Variants in CSMD3 observed in about 807,000 individuals in gnomAD.
CSMD3 encodes CUB and Sushi multiple domains 3, also known as CUB and sushi domain-containing protein 3.
In CSMD3, 177 loss-of-function variants were observed where a neutral mutation model predicts 435.2. The ratio of observed to expected loss-of-function variants is 0.41; its 90% CI spans 0.36 to 0.46. The LOEUF is 0.46. Ranked by LOEUF, CSMD3 falls within the 20% of genes least tolerant of loss-of-function variation. The pLI, the probability that CSMD3 is intolerant of heterozygous loss-of-function variation, is 0.34. For synonymous variants in CSMD3, 1,656 were observed against 1,520.5 expected, an observed-to-expected ratio of 1.09 and a Z score of -2.07; for missense variants, 4,265 against 4,504.6, an observed-to-expected ratio of 0.95 and a Z score of 1.52.
At chr8:112,346,750 C>T (rs535787575) in intron 40 of CSMD3, among the ~76,000 whole-genome samples, 18 of 135,384 alleles carry the variant, frequency 1.3e-4, no homozygotes, top group African/African-American at 4.9e-4. Context: ...GCAATCTCGG[C>T]TCACTGCAAG....
intron 18 of CSMD3, among the ~76,000 whole-genome samples, chr8:112,651,927 A>G (rs1586893878): frequency 6.6e-6 from 1 of 152,242 alleles, no homozygotes; most frequent in African/African-American, 2.4e-5. Flanking sequence ...ATTGAAAAGC[A>G]TCATGTCATG....
Position 112,255,433 on chromosome 8 carries a change from A to G in CSMD3, c.9863-6T>C. 6.2e-7 allele frequency: 1 copy of G among 1,613,558 alleles called. No individual in the cohort carries two copies. On this transcript the variant is annotated splice_region_variant and splice_polypyrimidine_tract_variant and intron_variant, in intron 61 of 70. Coordinates refer to ENST00000297405, the MANE Select transcript of CSMD3 (RefSeq NM_198123.2). ...AGGGTCACCACAAAACTTTGCTGGAAATGAAAAGAAAGACGCTTATATCAA... is the reference window on the plus strand; with the variant it reads ...AGGGTCACCACAAAACTTTGCTGGAGATGAAAAGAAAGACGCTTATATCAA...
At chr8:112,679,701 G>A (rs2075845172) in intron 16 of CSMD3, among the ~76,000 whole-genome samples, 1 of 152,086 alleles carries the variant, frequency 6.6e-6, no homozygotes, top group African/African-American at 2.4e-5. Flanking sequence ...CCTCCACCAT[G>A]AAGCTAGGCA....
chr8:112,560,712 C>T (rs1306102813), intron 24 of CSMD3, among the ~76,000 whole-genome samples: 2 of 151,594 alleles, frequency 1.3e-5, no homozygotes, highest in African/African-American at 4.8e-5. Context: ...GTCTCTCAAA[C>T]ACAGAAGAAA....
intron 31 of CSMD3, among the ~76,000 whole-genome samples, chr8:112,482,649 T>TA (rs1819742805): frequency 6.6e-6 from 1 of 152,214 alleles, no homozygotes; most frequent in Admixed American, 6.5e-5. Flanking sequence ...AATAGCTTTT[T>TA]ATCACATAGT....
chr8:112,773,782 A>C (rs916762363), intron 13 of CSMD3, among the ~76,000 whole-genome samples: 4 of 152,064 alleles, frequency 2.6e-5, no homozygotes, highest in South Asian at 2.1e-4. Context: ...TTTTAGAATG[A>C]AGATGAAATA....
In CSMD3 at chr8:112,893,107, C is replaced by A. The variant is rs1046183745; in HGVS notation, c.1633+28520G>T. ...TACTACTACTACTACAAAACTACTA[C>A]TACTACTACAACTACTACTACTACT... On this transcript the variant is annotated intron_variant, in intron 10 of 70. Transcript: ENST00000297405. 4.0e-5 allele frequency among the ~76,000 whole-genome samples: 6 copies of A among 151,276 alleles called. No individual in the cohort carries two copies. In the East Asian group the frequency reaches 1.2e-3, roughly 30 times the overall value.
intron 1 of CSMD3, among the ~76,000 whole-genome samples, chr8:113,380,560 C>T (rs1173235729): frequency 6.6e-6 from 1 of 152,124 alleles, no homozygotes; most frequent in Admixed American, 6.6e-5. Flanking sequence ...AAATAAATAA[C>T]TATTGCCACT....
intron 13 of CSMD3, among the ~76,000 whole-genome samples, chr8:112,698,672 A>G (rs1056100108): frequency 2.6e-5 from 4 of 152,286 alleles, no homozygotes; most frequent in Middle Eastern, 6.8e-3. Context: ...TTAACCATCA[A>G]ACAAAGATAA....
intron 11 of CSMD3, among the ~76,000 whole-genome samples, chr8:112,858,154 C>T (rs547913588): frequency 1.1e-4 from 17 of 151,570 alleles, no homozygotes; most frequent in African/African-American, 3.4e-4. Context: ...CAAAAATTCC[C>T]GGGAGGCAAT....
intron 38 of CSMD3, among the ~76,000 whole-genome samples, chr8:112,354,037 T>G (rs1204470232): frequency 5.9e-5 from 9 of 152,198 alleles, no homozygotes; most frequent in African/African-American, 2.2e-4. Flanking sequence ...CAAGGTTGTT[T>G]CAACATATGC....
intron 45 of CSMD3, among the ~76,000 whole-genome samples, chr8:112,320,772 G>A (rs898317573): frequency 5.9e-5 from 9 of 151,940 alleles, no homozygotes; most frequent in African/African-American, 2.2e-4. Context: ...GTTAAAGAGA[G>A]TTAAAAATTT....
chr8:112,612,245 A>C (rs1415853374), intron 22 of CSMD3, among the ~76,000 whole-genome samples: 1 of 152,218 alleles, frequency 6.6e-6, no homozygotes, highest in East Asian at 1.9e-4. Flanking sequence ...CAGGTATAAC[A>C]GATATATGAA....
intron 9 of CSMD3, among the ~76,000 whole-genome samples, chr8:112,930,730 A>G (rs1233171897): frequency 6.6e-6 from 1 of 152,090 alleles, no homozygotes; most frequent in Admixed American, 6.5e-5. Flanking sequence ...TGCAAGAGTA[A>G]CCCACAAGGC....
intron 36 of CSMD3, among the ~76,000 whole-genome samples, chr8:112,389,787 GA>G (rs1830265715): frequency 6.6e-6 from 1 of 152,128 alleles, no homozygotes; most frequent in Non-Finnish European, 1.5e-5. Context: ...TAATATTTAT[GA>G]AGCATAATTA....
chr8:113,314,385 CA>C (rs2093893908), intron 2 of CSMD3, 185 bp downstream of exon 2: 1 of 594,102 alleles, frequency 1.7e-6, no homozygotes, highest in African/African-American at 1.9e-5. Context: ...AATGTACTAG[CA>C]ATATGACATC....
chr8:112,438,815 T>C (rs1357790297), intron 32 of CSMD3, among the ~76,000 whole-genome samples: 3 of 152,196 alleles, frequency 2.0e-5, no homozygotes, highest in Non-Finnish European at 4.4e-5. Context: ...TATAACCCCA[T>C]ATAGCTACTA....
intron 1 of CSMD3, among the ~76,000 whole-genome samples, chr8:113,372,675 T>G (rs2094353353): frequency 6.6e-6 from 1 of 152,134 alleles, no homozygotes; most frequent in African/African-American, 2.4e-5. Context: ...GGCTCACGCC[T>G]GTAATCCCAG....
intron 1 of CSMD3, among the ~76,000 whole-genome samples, chr8:113,407,930 C>T (rs1335402587): frequency 3.3e-5 from 5 of 151,950 alleles, no homozygotes; most frequent in Admixed American, 1.3e-4. Flanking sequence ...TTTTGAAGTA[C>T]GCCTAGGACC....
Sources: allele counts gnomAD v4.1 joint callset (sites outside exome capture counted in the v4.1 genomes callset), GRCh38; gene constraint gnomAD v4.1.1; transcripts MANE v1.5; gene names NCBI Gene and HGNC (gene_info 2026-07-23, HGNC 2026-07-21).